The following SHISA9 variants were observed in gnomAD, a reference collection of about 807,000 sequenced individuals.
SHISA9 encodes the protein shisa family member 9.
A neutral mutation model predicts 38.0 loss-of-function variants in SHISA9; 13 were observed. The observed-to-expected ratio is 0.34, with a 90% CI of 0.22 to 0.54. The LOEUF (loss-of-function observed/expected upper bound fraction) is 0.54, where lower values mean the gene tolerates loss of function less well. Among genes scored for constraint, SHISA9 ranks in the 20% least tolerant of loss-of-function variants. SHISA9 has a pLI of 0.91. For synonymous variants in SHISA9, 275 were observed against 242.0 expected (o/e 1.14, Z -1.27); for missense variants, 538 against 575.8 (o/e 0.93, Z 0.67).
the SHISA9 span, among the ~76,000 whole-genome samples, chr16:13,484,304 A>T: frequency 6.6e-6 from 1 of 152,198 alleles, no homozygotes; most frequent in South Asian, 2.1e-4. Context: ...TATAGCTTTT[A>T]TAATTTTTTT....
intron 2 of SHISA9, among the ~76,000 whole-genome samples, chr16:13,030,131 AG>A (rs2072973368): frequency 6.6e-6 from 1 of 152,156 alleles, no homozygotes; most frequent in South Asian, 2.1e-4. Context: ...TTAAAAATGG[AG>A]TATTTATCTA....
chr16:13,348,217 T>G, the SHISA9 span, among the ~76,000 whole-genome samples: 5 of 152,180 alleles, frequency 3.3e-5, no homozygotes, highest in African/African-American at 1.2e-4. Flanking sequence ...TTTTCTTTTT[T>G]GATTTTTGAA....
chr16:12,973,668 C>A (rs1011632904), intron 2 of SHISA9, among the ~76,000 whole-genome samples: 3 of 152,098 alleles, frequency 2.0e-5, no homozygotes, highest in Non-Finnish European at 4.4e-5. Flanking sequence ...ACACATTGAA[C>A]TTTTCCAACC....
intron 4 of SHISA9, among the ~76,000 whole-genome samples, chr16:13,218,956 A>T (rs1054835534): frequency 1.3e-5 from 2 of 152,174 alleles, no homozygotes; most frequent in African/African-American, 4.8e-5. Context: ...GATTTTGGTT[A>T]TTGGTTTGGT....
the SHISA9 span, among the ~76,000 whole-genome samples, chr16:13,377,039 C>T: frequency 2.0e-5 from 3 of 152,132 alleles, no homozygotes; most frequent in African/African-American, 7.2e-5. Flanking sequence ...AGAAAAAAAC[C>T]TTTAATGCTG....
chr16:13,427,753 G>T, the SHISA9 span, among the ~76,000 whole-genome samples: 1 of 152,148 alleles, frequency 6.6e-6, no homozygotes, highest in Admixed American at 6.6e-5. Flanking sequence ...ACAGACAACA[G>T]GTTTTATTCT....
chr16:13,292,277 G>A, the SHISA9 span, among the ~76,000 whole-genome samples: 3 of 151,838 alleles, frequency 2.0e-5, no homozygotes, highest in Non-Finnish European at 2.9e-5. Flanking sequence ...TTTAAACCAG[G>A]CCACTCCTAA....
intron 2 of SHISA9, among the ~76,000 whole-genome samples, chr16:13,081,220 A>G (rs928433508): frequency 1.3e-5 from 2 of 152,206 alleles, no homozygotes; most frequent in African/African-American, 4.8e-5. Flanking sequence ...GTGTTTTCCA[A>G]AACGCAGGCA....
chr16:12,961,026 G>C (rs1604309), intron 2 of SHISA9, among the ~76,000 whole-genome samples: 30,832 of 151,624 alleles, frequency 0.2, 3,476 homozygotes, highest in Middle Eastern at 0.32. Flanking sequence ...TGTAACATGT[G>C]GGGGGGATGA....
chr16:13,124,844 C>T (rs948787228), intron 2 of SHISA9, among the ~76,000 whole-genome samples: 2 of 152,090 alleles, frequency 1.3e-5, no homozygotes, highest in Non-Finnish European at 2.9e-5. Flanking sequence ...TTTTTGACAA[C>T]AGTGTCAAGA....
At chr16:13,167,073 T>TC (rs1388622089) in intron 2 of SHISA9, among the ~76,000 whole-genome samples, 4 of 50,208 alleles carry the variant, frequency 8.0e-5, no homozygotes, top group Non-Finnish European at 1.6e-4. Context: ...CTCTTTTTTC[T>TC]TTTTTTTTTT....
intron 2 of SHISA9, among the ~76,000 whole-genome samples, chr16:12,966,304 A>T (rs1362968888): frequency 6.6e-6 from 1 of 151,662 alleles, no homozygotes; most frequent in Non-Finnish European, 1.5e-5. Context: ...CTCCAGTGCT[A>T]TCTCCTTCCT....
chr16:13,410,616 A>AT, the SHISA9 span, among the ~76,000 whole-genome samples: 30 of 152,338 alleles, frequency 2.0e-4, no homozygotes, highest in African/African-American at 7.2e-4. Flanking sequence ...ACAAAAAAAA[A>AT]GTGTTTGCCA....
chr16:13,158,800 T>C (rs2142010771), intron 2 of SHISA9, among the ~76,000 whole-genome samples: 1 of 151,368 alleles, frequency 6.6e-6, no homozygotes, highest in South Asian at 2.1e-4. Flanking sequence ...CTCACGCCTA[T>C]AATCCCAGCA....
chr16:12,991,566 G>A (rs1473375215), intron 2 of SHISA9, among the ~76,000 whole-genome samples: 1 of 152,190 alleles, frequency 6.6e-6, no homozygotes, highest in Non-Finnish European at 1.5e-5. Context: ...TTCTTGAACT[G>A]ACAAGGCCCT....
the SHISA9 span, among the ~76,000 whole-genome samples, chr16:13,249,426 A>T: frequency 6.6e-6 from 1 of 152,238 alleles, no homozygotes; most frequent in African/African-American, 2.4e-5. Flanking sequence ...CTTTCTGTAG[A>T]TTTGTTGTAG....
chr16:13,422,642 G>C, the SHISA9 span, among the ~76,000 whole-genome samples: 1 of 152,224 alleles, frequency 6.6e-6, no homozygotes, highest in African/African-American at 2.4e-5. Flanking sequence ...GTTGCAGTGA[G>C]CTGAGATCAC....
Position 13,160,257 on chromosome 16 carries a change from G to GGA in SHISA9, c.692-43123_692-43122dup, listed in dbSNP as rs149010370. On this transcript the variant is annotated intron_variant, in intron 2 of 4. Coordinates refer to ENST00000558583, the MANE Select transcript of SHISA9 (RefSeq NM_001145204.3). ...ATTAACATGGATAGAGAGCAATGAG[G>GGA]GAGAGAGAGAGAGAGGAGGTGGATA... Among the ~76,000 whole-genome samples the GGA allele has an allele frequency of 4.6e-5, 7 of 151,594 alleles. No homozygotes were observed. The East Asian group carries it at 5.8e-4, about 13-fold the overall frequency.
At chr16:12,997,901 T>G (rs992771019) in intron 2 of SHISA9, among the ~76,000 whole-genome samples, 1 of 152,220 alleles carries the variant, frequency 6.6e-6, no homozygotes, top group African/African-American at 2.4e-5. Context: ...GCTTGCATAT[T>G]TCAAGACTCA....
Sources: gnomAD v4.1 joint callset for allele counts (sites outside exome capture counted in the v4.1 genomes callset) on GRCh38, gnomAD v4.1.1 for gene constraint, MANE v1.5 for transcripts, NCBI Gene and HGNC (gene_info 2026-07-23, HGNC 2026-07-21) for gene names.